Variants in ERC2 observed in about 807,000 individuals in gnomAD.
ERC2 encodes the protein ELKS/RAB6-interacting/CAST family member 2.
In ERC2, 42 loss-of-function variants were observed where a neutral mutation model predicts 114.8. The observed-to-expected ratio is 0.37, with a 90% CI of 0.29 to 0.47. The LOEUF (loss-of-function observed/expected upper bound fraction) is 0.47. Among genes scored for constraint, ERC2 ranks in the 20% least tolerant of loss-of-function variants. The pLI, the probability that ERC2 is intolerant of heterozygous loss-of-function variation, is 0.99. For synonymous variants in ERC2, 454 were observed against 425.5 expected (o/e 1.07, Z -0.82); for missense variants, 939 against 1,150.7 (o/e 0.82, Z 2.66).
At chr3:55,982,184 G>A (rs900958649) in intron 12 of ERC2, among the ~76,000 whole-genome samples, 10 of 152,150 alleles carry the variant, frequency 6.6e-5, no homozygotes, top group African/African-American at 2.4e-4. Context: ...TATATTCAAT[G>A]AACACCATAT....
At chr3:56,066,031 C>G (rs1257803437) in intron 7 of ERC2, among the ~76,000 whole-genome samples, 1 of 152,084 alleles carries the variant, frequency 6.6e-6, no homozygotes, top group Non-Finnish European at 1.5e-5. Context: ...ATCTTTATAG[C>G]AGAACGATTT....
chr3:56,419,935 G>A (rs925804167), intron 2 of ERC2, among the ~76,000 whole-genome samples: 2 of 152,036 alleles, frequency 1.3e-5, no homozygotes, highest in East Asian at 3.9e-4. Context: ...TTATTATTTG[G>A]TACATTTCTA....
At chr3:55,722,138 T>G (rs1435909651) in intron 15 of ERC2, among the ~76,000 whole-genome samples, 1 of 152,172 alleles carries the variant, frequency 6.6e-6, no homozygotes, top group East Asian at 1.9e-4. Context: ...CAAAGATCAT[T>G]TGAATGAAGA....
intron 17 of ERC2, among the ~76,000 whole-genome samples, chr3:55,674,750 GCT>G: frequency 6.6e-6 from 1 of 152,132 alleles, no homozygotes; most frequent in Non-Finnish European, 1.5e-5. Flanking sequence ...ACTTCCAGGG[GCT>G]CTGTTTCTAC....
intron 3 of ERC2, among the ~76,000 whole-genome samples, chr3:56,295,236 T>G (rs11712446): frequency 0.22 from 33,310 of 152,166 alleles, 4,278 homozygotes; most frequent in Non-Finnish European, 0.28. Flanking sequence ...GAGATCCACG[T>G]CTCCCTACAG....
At chr3:56,399,054 A>C (rs1195128776) in intron 2 of ERC2, among the ~76,000 whole-genome samples, 1 of 152,228 alleles carries the variant, frequency 6.6e-6, no homozygotes, top group Non-Finnish European at 1.5e-5. Context: ...GTAATAAATG[A>C]GGTGGAGCCA....
chr3:55,952,196 CTCTATA>C lies in ERC2; in HGVS notation c.2268-1642_2268-1637del, dbSNP rs1271015088. Among the ~76,000 whole-genome samples the C allele has an allele frequency of 7.3e-4, 82 of 112,740 alleles. 4 individuals carry two copies. Among genetic ancestry groups the C allele is most frequent in the Middle Eastern group, 5.0e-3 (1 of 202 alleles). The allele number at this position is 112,740 out of a possible 152,430, so 74.0% of individuals were successfully genotyped here. ...ACACACACACTCTCTCTCTCTCTCT[CTCTATA>C]TATATATATATATATTCTGAACACT... On this transcript the variant is annotated intron_variant, in intron 12 of 17. Coordinates refer to ENST00000288221, the MANE Select transcript of ERC2 (RefSeq NM_015576.3).
intron 16 of ERC2, among the ~76,000 whole-genome samples, chr3:55,697,419 C>T (rs1197033421): frequency 5.3e-5 from 8 of 152,186 alleles, no homozygotes; most frequent in Non-Finnish European, 5.9e-5. Context: ...CTTAGCCAGA[C>T]ACTCTTCAAG....
chr3:55,773,235 A>G (rs1366542933), intron 14 of ERC2, among the ~76,000 whole-genome samples: 1 of 152,168 alleles, frequency 6.6e-6, no homozygotes, highest in African/African-American at 2.4e-5. Flanking sequence ...ACCATCACAC[A>G]GGCTTCCTGG....
chr3:55,570,732 C>T (rs913501451), intron 17 of ERC2, among the ~76,000 whole-genome samples: 3 of 152,180 alleles, frequency 2.0e-5, no homozygotes, highest in Non-Finnish European at 4.4e-5. Context: ...CAACTTCTGG[C>T]CTCTGCCCTT....
At chr3:55,752,255 T>C (rs1290945972) in intron 14 of ERC2, among the ~76,000 whole-genome samples, 2 of 152,212 alleles carry the variant, frequency 1.3e-5, no homozygotes, top group Non-Finnish European at 1.5e-5. Flanking sequence ...GTCATCCTAA[T>C]TGGCAGCTCT....
intron 3 of ERC2, among the ~76,000 whole-genome samples, chr3:56,256,133 GA>G (rs2052501170): frequency 6.6e-6 from 1 of 152,196 alleles, no homozygotes; most frequent in Non-Finnish European, 1.5e-5. Context: ...AACTCTGTCT[GA>G]AAGCTTTAAA....
intron 17 of ERC2, among the ~76,000 whole-genome samples, chr3:55,568,851 G>C (rs762802816): frequency 6.6e-6 from 1 of 152,098 alleles, no homozygotes; most frequent in Non-Finnish European, 1.5e-5. Flanking sequence ...AGTCTGACCT[G>C]CTCCCCCTCT....
chr3:55,894,547 T>A (rs2063753432), intron 13 of ERC2, among the ~76,000 whole-genome samples: 2 of 152,170 alleles, frequency 1.3e-5, no homozygotes, highest in Admixed American at 6.5e-5. Flanking sequence ...TATTGAACAT[T>A]ATACCCAACA....
chr3:55,539,004 T>C (rs532352595), intron 17 of ERC2, among the ~76,000 whole-genome samples: 1 of 152,330 alleles, frequency 6.6e-6, no homozygotes, highest in Non-Finnish European at 1.5e-5. Flanking sequence ...TGGGAAATGT[T>C]TCCCAAATTA....
chr3:55,709,799 G>A (rs763640771), intron 15 of ERC2, among the ~76,000 whole-genome samples: 28 of 152,168 alleles, frequency 1.8e-4, no homozygotes, highest in Non-Finnish European at 2.8e-4. Flanking sequence ...GGCCAGCACC[G>A]AGCACAGTTT....
rs780658083 is a variant in ERC2 at position 55,992,166 on chromosome 3, G to A, written c.2146C>T (p.Arg716Cys). Residue 716 changes from arginine (R) to cysteine (C), a missense_variant, in exon 11 of 18, where the codon CGC becomes TGC. By Grantham distance (180) the Arg-to-Cys change is radical. Coordinates refer to ENST00000288221, the MANE Select transcript of ERC2 (RefSeq NM_015576.3). ...KQLDKEASYY[R>C]DECGKAQAEV... ...GCTTGGGCCTTGCCACACTCGTCGC[G>A]GTAGTAAGACGCCTCTTTATCGAGC... is the stretch of plus-strand genomic sequence containing the variant. 35 of 1,613,750 alleles carry A rather than the reference G, an allele frequency of 2.2e-5. No homozygotes were observed. The highest frequency in any genetic ancestry group is 2.7e-5 in the Non-Finnish European group (32 of 1,179,856).
intron 14 of ERC2, among the ~76,000 whole-genome samples, chr3:55,862,053 A>G (rs1346062847): frequency 6.6e-6 from 1 of 152,332 alleles, no homozygotes; most frequent in South Asian, 2.1e-4. Flanking sequence ...TTTAACTACA[A>G]AAGTGAGGTT....
chr3:55,817,630 T>C (rs912452566), intron 14 of ERC2, among the ~76,000 whole-genome samples: 3 of 152,250 alleles, frequency 2.0e-5, no homozygotes. Flanking sequence ...GGTTATCTCC[T>C]TGGGCTCAGG....
Sources: allele counts gnomAD v4.1 joint callset (sites outside exome capture counted in the v4.1 genomes callset), GRCh38; gene constraint gnomAD v4.1.1; transcripts MANE v1.5; gene names NCBI Gene and HGNC (gene_info 2026-07-23, HGNC 2026-07-21).